GRIK4: variants seen among roughly 807,000 people sequenced by gnomAD.
GRIK4 encodes the protein glutamate ionotropic receptor kainate type subunit 4, also known as glutamate receptor ionotropic, kainate 4.
GRIK4 carries 40 observed loss-of-function variants against 104.9 expected under a neutral mutation model. The ratio of observed to expected loss-of-function variants is 0.38; its 90% CI spans 0.30 to 0.50. The LOEUF is 0.50. Among genes scored for constraint, GRIK4 ranks in the 20% least tolerant of loss-of-function variants. The pLI is 0.93. For synonymous variants in GRIK4, 485 were observed against 524.9 expected, an observed-to-expected ratio of 0.92 and a Z score of 1.04; for missense variants, 1,047 against 1,308.1, an observed-to-expected ratio of 0.80 and a Z score of 3.08.
At chr11:120,668,476 C>T (rs1436520406) in intron 3 of GRIK4, among the ~76,000 whole-genome samples, 3 of 152,166 alleles carry the variant, frequency 2.0e-5, no homozygotes, top group African/African-American at 7.2e-5. Context: ...CCGGGGAAGA[C>T]GTCAGCCCCA....
At position 120,555,702 on chromosome 11, in the gene GRIK4, G is replaced by T. The variant is rs1380518550; in HGVS notation, c.-159+43815G>T. Among the ~76,000 whole-genome samples the T allele has an allele frequency of 6.6e-6, 1 of 152,166 alleles. No individual in the cohort carries two copies. Among genetic ancestry groups the T allele is most frequent in the African/African-American group, 2.4e-5 (1 of 41,450 alleles). On this transcript the variant is annotated intron_variant, in intron 1 of 20. Coordinates refer to ENST00000527524, the MANE Select transcript of GRIK4 (RefSeq NM_014619.5). This position sits in a 1 kb window ranked among gnomAD's most constrained non-coding sequence, Gnocchi z 5.3. ...GAGGTCTGCCCTCCTTCTGCCCAGG[G>T]TCCTTTCGACTTCTCAGGAAAGCTG...
At chr11:120,713,925 T>G (rs1480631713) in intron 3 of GRIK4, among the ~76,000 whole-genome samples, 1 of 152,160 alleles carries the variant, frequency 6.6e-6, no homozygotes, top group Non-Finnish European at 1.5e-5. Context: ...TTGAGAGTCA[T>G]GAATAGAATT....
At chr11:120,727,879 AAAAG>A (rs1951060189) in intron 3 of GRIK4, among the ~76,000 whole-genome samples, 1 of 152,282 alleles carries the variant, frequency 6.6e-6, no homozygotes, top group East Asian at 1.9e-4. Context: ...TTTAGAATCA[AAAAG>A]AAATTAAGAA....
intron 6 of GRIK4, among the ~76,000 whole-genome samples, chr11:120,829,312 A>C (rs1953360331): frequency 6.6e-6 from 1 of 152,054 alleles, no homozygotes; most frequent in South Asian, 2.1e-4. Context: ...TTTTCACATC[A>C]TCTCTGAGGA....
intron 3 of GRIK4, among the ~76,000 whole-genome samples, chr11:120,774,549 A>G (rs779787427): frequency 2.0e-5 from 3 of 152,220 alleles, no homozygotes; most frequent in Non-Finnish European, 4.4e-5. Context: ...TAAGTCCTTC[A>G]GCTGATTGGA....
chr11:120,644,017 G>GTA (rs1949506512), intron 1 of GRIK4, among the ~76,000 whole-genome samples: 2 of 112,258 alleles, frequency 1.8e-5, no homozygotes, highest in African/African-American at 9.4e-5. Context: ...GGGTCTGTGT[G>GTA]TGTGTGTGTG....
At chr11:120,517,373 G>A (rs538222888) in intron 1 of GRIK4, among the ~76,000 whole-genome samples, 5 of 149,044 alleles carry the variant, frequency 3.4e-5, no homozygotes, top group South Asian at 2.2e-4. Flanking sequence ...TCCTTGGTGC[G>A]ATCCTCTCCT....
chr11:120,816,181 C>T (rs888421775), intron 5 of GRIK4, among the ~76,000 whole-genome samples: 31 of 149,642 alleles, frequency 2.1e-4, no homozygotes, highest in African/African-American at 6.3e-4. Flanking sequence ...AACTCTCCCC[C>T]TCCTTTTTCC....
chr11:120,866,014 C>A (rs527813066), intron 9 of GRIK4, among the ~76,000 whole-genome samples: 35 of 152,174 alleles, frequency 2.3e-4, no homozygotes, highest in Admixed American at 2.2e-3. Context: ...ACAGCCAGTT[C>A]TTGTGGGAAC....
intron 11 of GRIK4, among the ~76,000 whole-genome samples, chr11:120,895,075 G>A (rs1048883197): frequency 6.6e-6 from 1 of 152,158 alleles, no homozygotes; most frequent in Non-Finnish European, 1.5e-5. Flanking sequence ...GAGGTGGGAA[G>A]GTGCGTTGCT....
Position 120,574,902 on chromosome 11 carries a change from C to T in GRIK4, c.-159+63015C>T, listed in dbSNP as rs80127639. 0.014 allele frequency among the ~76,000 whole-genome samples: 2,104 copies of T among 152,208 alleles called. 107 individuals carry two copies. The East Asian group carries it at 0.16, about 11-fold the overall frequency. ...ACCTACTATATGCCTGAGTCTACAC[C>T]GAGTGACAGGAAAGGGACCCCTGAC... On this transcript the variant is annotated intron_variant, in intron 1 of 20. Transcript: ENST00000527524.
At chr11:120,807,923 G>A (rs189385427) in intron 4 of GRIK4, among the ~76,000 whole-genome samples, 3 of 152,300 alleles carry the variant, frequency 2.0e-5, no homozygotes, top group Admixed American at 6.5e-5. Context: ...TCCAGAGAAC[G>A]TGCCAATGAG....
intron 2 of GRIK4, among the ~76,000 whole-genome samples, chr11:120,655,553 T>C (rs1308091780): frequency 6.6e-6 from 1 of 152,210 alleles, no homozygotes; most frequent in African/African-American, 2.4e-5. Flanking sequence ...AAGAAGCCCC[T>C]GGCTGCTCTA....
chr11:120,940,088 G>A lies in GRIK4; in HGVS notation c.1477-259G>A, dbSNP rs1449950733. Among the ~76,000 whole-genome samples the A allele has an allele frequency of 2.6e-5, 4 of 151,474 alleles. No individual in the cohort carries two copies. Among genetic ancestry groups the A allele is most frequent in the Non-Finnish European group, 5.9e-5 (4 of 68,024 alleles). ...GAGACTGTCTCTGAACAGTCTGGTA[G>A]TGATACCCCCTGTTTTTAAAATTAT... On this transcript the variant is annotated intron_variant, in intron 13 of 20. Transcript: ENST00000527524. The surrounding 1 kb of genome is among the most constrained non-coding windows in gnomAD (Gnocchi z 4.3).
chr11:120,763,466 A>T (rs1465179335), intron 3 of GRIK4, among the ~76,000 whole-genome samples: 2 of 151,594 alleles, frequency 1.3e-5, no homozygotes, highest in Non-Finnish European at 2.9e-5. Context: ...GATCTTAGTT[A>T]TTTCTTGTCT....
chr11:120,590,933 G>A (rs562639729), intron 1 of GRIK4, among the ~76,000 whole-genome samples: 3 of 152,090 alleles, frequency 2.0e-5, no homozygotes, highest in East Asian at 3.9e-4. Flanking sequence ...CATCCTTCCC[G>A]GGGTTTCTGT....
intron 1 of GRIK4, among the ~76,000 whole-genome samples, chr11:120,518,951 G>A (rs1432674292): frequency 6.6e-6 from 1 of 152,202 alleles, no homozygotes; most frequent in Non-Finnish European, 1.5e-5. Flanking sequence ...TTGTGGCCCT[G>A]CCTGCAGGAG....
At position 120,513,320 on chromosome 11, in the gene GRIK4, GGA is replaced by G. The variant is rs1947684670; in HGVS notation, c.-159+1439_-159+1440del. Among the ~76,000 whole-genome samples, 1 of 152,146 alleles carries G rather than the reference GGA, an allele frequency of 6.6e-6. No individual in the cohort carries two copies. The highest frequency in any genetic ancestry group is 1.5e-5 in the Non-Finnish European group (1 of 68,030). ...GAAACTGCGGGCGTGGTATCTCCGG[GGA>G]GAGAGGCCGCCTGGGTTGGTAGTGG... On this transcript the variant is annotated intron_variant, in intron 1 of 20. Coordinates refer to ENST00000527524, the MANE Select transcript of GRIK4 (RefSeq NM_014619.5). This position sits in a 1 kb window ranked among gnomAD's most constrained non-coding sequence, Gnocchi z 4.5.
chr11:120,889,810 G>A (rs1254905495), intron 11 of GRIK4, among the ~76,000 whole-genome samples: 1 of 151,864 alleles, frequency 6.6e-6, no homozygotes, highest in Non-Finnish European at 1.5e-5. Flanking sequence ...CACCATGTTG[G>A]TCAGGCTGGT....
Sources: gnomAD v4.1 joint callset for allele counts (sites outside exome capture counted in the v4.1 genomes callset) on GRCh38, gnomAD v4.1.1 for gene constraint, Gnocchi (gnomAD v3.1) non-coding constraint, MANE v1.5 for transcripts, NCBI Gene and HGNC (gene_info 2026-07-23, HGNC 2026-07-21) for gene names.